ARNT: variants seen among roughly 807,000 people sequenced by gnomAD.
ARNT encodes class E basic helix-loop-helix protein 2.
Under a neutral mutation model 105.0 loss-of-function variants are expected in ARNT, and 30 were observed. The observed-to-expected ratio is 0.29, with a 90% CI of 0.21 to 0.39. The LOEUF (loss-of-function observed/expected upper bound fraction) is 0.39, where lower values mean the gene tolerates loss of function less well. Among genes scored for constraint, ARNT ranks in the 10% least tolerant of loss-of-function variants. ARNT has a pLI of 1.00. For synonymous variants in ARNT, 304 were observed against 344.0 expected, an observed-to-expected ratio of 0.88 and a Z score of 1.29; for missense variants, 748 against 978.7, an observed-to-expected ratio of 0.76 and a Z score of 3.15.
chr1:150,837,978 T>C (rs1225742727), intron 6 of ARNT, among the ~76,000 whole-genome samples: 1 of 152,218 alleles, frequency 6.6e-6, no homozygotes, highest in Admixed American at 6.5e-5. Context: ...TCGATTCTAC[T>C]TTCCAATGCT....
rs1660896814 is a variant in ARNT, at chr1:150,839,500, G to A, written c.427C>T (p.Arg143Trp). 3.1e-6 allele frequency: 5 copies of A among 1,614,068 alleles called. No individual in the cohort carries two copies. The highest frequency in any genetic ancestry group is 1.7e-5 in the Admixed American group (1 of 59,998). Residue 143 changes from arginine to tryptophan, a missense_variant, in exon 6 of 22, where the codon CGG becomes TGG. This residue lies in a region of ARNT where 291 missense variants were observed against 444.6 expected (regional missense o/e 0.65). Transcript: ENST00000358595. The part of the protein sequence containing the change: ...RMAVSHMKSL[R>W]GTGNTSTDGS... ...TCAGTGGATGTGTTGCCAGTTCCCC[G>A]CAAGGACTTCATGTGAGAAACTGCC...
chr1:150,831,925 GAA>G (rs34083816), intron 9 of ARNT, 22 bp from the exon 10 acceptor site: 7,739 of 1,102,544 alleles, frequency 7.0e-3, no homozygotes, highest in East Asian at 9.5e-3. Context: ...ACAGGAGTTT[GAA>G]AAAAAAAAAA....
chr1:150,855,140 GA>G (rs587673655), intron 2 of ARNT, among the ~76,000 whole-genome samples: 1 of 151,496 alleles, frequency 6.6e-6, no homozygotes, highest in African/African-American at 2.4e-5. Context: ...TATGAAATAG[GA>G]AAAAAAAGTT....
chr1:150,846,388 T>G (rs1475946196), intron 3 of ARNT, 81 bp from the exon 4 acceptor site: 2 of 1,395,624 alleles, frequency 1.4e-6, no homozygotes, highest in Non-Finnish European at 2.0e-6. Context: ...TAGAAAGGGG[T>G]GAAAATATTC....
At chr1:150,820,419 T>G (rs754844666) in intron 14 of ARNT, among the ~76,000 whole-genome samples, 23 of 152,192 alleles carry the variant, frequency 1.5e-4, no homozygotes, top group Non-Finnish European at 2.5e-4. Context: ...TCCTAGCACT[T>G]TGGGAGGACG....
At chr1:150,825,845 T>TAA (rs138981555) in intron 13 of ARNT, among the ~76,000 whole-genome samples, 6 of 139,606 alleles carry the variant, frequency 4.3e-5, no homozygotes, top group African/African-American at 7.9e-5. Flanking sequence ...AGACTCCTTC[T>TAA]AAAAAAAAAA....
chr1:150,830,496 A>T (rs1659173902), intron 10 of ARNT: 1 of 152,462 alleles, frequency 6.6e-6, no homozygotes, highest in South Asian at 2.1e-4. Flanking sequence ...ATTTACATAT[A>T]TATTAATTCC....
At chr1:150,813,030 C>T in intron 21 of ARNT, 142 bp downstream of exon 21, 1 of 903,174 alleles carries the variant, frequency 1.1e-6, no homozygotes, top group East Asian at 2.5e-5. Flanking sequence ...GACAGTGATC[C>T]CTACATTTAT....
In ARNT at chr1:150,847,505, G is replaced by T. The variant is rs587700750; in HGVS notation, c.183-1198C>A. Among the ~76,000 whole-genome samples, 6 of 151,382 alleles carry T rather than the reference G, an allele frequency of 4.0e-5. No homozygotes were observed. In the South Asian group the frequency reaches 1.3e-3, roughly 32 times the overall value. On this transcript the variant is annotated intron_variant, in intron 3 of 21. Transcript: ENST00000358595. ...CAGGCACAACAACCCGACTTGGTAA[G>T]ATAAACTACGATAGTCTTTTTTTAT...
rs956602939 is a variant in ARNT at position 150,876,483 on chromosome 1, T to C, written c.25+60A>G. ...GCGTCCCCTCAGCCCTGGGTCTCCT[T>C]AGTTGTCAGCCCCTTCGGCCCCTCC... On this transcript the variant is annotated intron_variant, in intron 1 of 21. Coordinates refer to ENST00000358595, the MANE Select transcript of ARNT (RefSeq NM_001668.4). The C allele has an allele frequency of 2.6e-6, 4 of 1,545,054 alleles. No individual in the cohort carries two copies. The African/African-American group carries it at 4.1e-5, about 16-fold the overall frequency.
At chr1:150,849,143 C>T (rs763077740) in intron 3 of ARNT, among the ~76,000 whole-genome samples, 4 of 151,834 alleles carry the variant, frequency 2.6e-5, no homozygotes, top group East Asian at 3.9e-4. Context: ...GCAGAGGTTG[C>T]GGTGAGCCGA....
At chr1:150,851,184 C>G (rs587750620) in intron 3 of ARNT, among the ~76,000 whole-genome samples, 89 of 148,966 alleles carry the variant, frequency 6.0e-4, no homozygotes, top group African/African-American at 2.0e-3. Flanking sequence ...CCACCCCGTC[C>G]AGGAGAGAGG....
intron 19 of ARNT, 85 bp from the exon 20 acceptor site, chr1:150,814,324 AATCACTGC>A: frequency 7.5e-7 from 1 of 1,330,062 alleles, no homozygotes; most frequent in Non-Finnish European, 1.1e-6. Flanking sequence ...CAACACTGTC[AATCACTGC>A]ATCCTTCTGA....
At chr1:150,853,098 T>C in intron 2 of ARNT, 1 of 369,254 alleles carries the variant, frequency 2.7e-6, no homozygotes, top group South Asian at 2.4e-5. Context: ...CTGGCCAACA[T>C]GCTGAAACCC....
rs1460899422 is a variant in ARNT, at chr1:150,813,300, G to A, written c.2152C>T (p.Arg718Trp). The change falls in exon 21 of 22, where the codon CGG becomes TGG. Residue 718 changes from arginine (R) to tryptophan (W), a missense_variant. Arg to Trp is a moderately radical substitution (Grantham distance 101). Transcript: ENST00000358595. Reference sequence around the variant, plus strand: ...CAGACACCCACACCCTCTGCTGTCCGTGTCTGGAATTGTCCTGCAGTCTGT... The same window carrying A: ...CAGACACCCACACCCTCTGCTGTCCATGTCTGGAATTGTCCTGCAGTCTGT... ...TGQTAGQFQT[R>W]TAEGVGVWPQ... 5.0e-6 allele frequency: 8 copies of A among 1,613,414 alleles called. No individual in the cohort carries two copies. Among genetic ancestry groups the A allele is most frequent in the South Asian group, 2.2e-5 (2 of 90,900 alleles).
chr1:150,839,688 G>A (rs948302000), intron 5 of ARNT, 34 bp from the exon 6 acceptor site: 1 of 1,579,812 alleles, frequency 6.3e-7, no homozygotes, highest in African/African-American at 1.3e-5. Context: ...CCATCCAGGT[G>A]GTCACATCTG....
At chr1:150,829,553 G>GA (rs1364050071) in intron 11 of ARNT, 4 of 582,890 alleles carry the variant, frequency 6.9e-6, no homozygotes, top group Non-Finnish European at 1.3e-5. Context: ...CTATACTTAT[G>GA]AAAAAATCAA....
In ARNT at chr1:150,839,559, G is replaced by A. The variant is rs1660906854; in HGVS notation, c.368C>T (p.Ala123Val). The part of the protein sequence containing the change: ...SDMVPTCSAL[A>V]RKPDKLTILR... ...GATGGTTAGCTTGTCTGGTTTTCGA[G>A]CCAGGGCACTACAGGTGGGTACCAT... The change falls in exon 6 of 22, where the codon GCT becomes GTT. Residue 123 changes from alanine (A) to valine (V), a missense_variant. This residue lies in a region of ARNT where 291 missense variants were observed against 444.6 expected (regional missense o/e 0.65). Coordinates refer to ENST00000358595, the MANE Select transcript of ARNT (RefSeq NM_001668.4). 1 of 1,614,204 alleles carries A rather than the reference G, an allele frequency of 6.2e-7. No individual in the cohort carries two copies. Among genetic ancestry groups the A allele is most frequent in the Non-Finnish European group, 8.5e-7 (1 of 1,180,034 alleles).
rs10305751 is a variant in ARNT at position 150,810,982 on chromosome 1, C to T, written c.*1039G>A. On this transcript the variant is annotated 3_prime_UTR_variant, in exon 22 of 22. Coordinates refer to ENST00000358595, the MANE Select transcript of ARNT (RefSeq NM_001668.4). ...CCAACAATGAGGATTTTCACTGGGA[C>T]GGCTAATCCAAGAAGTTGAGTTTCC... is the stretch of plus-strand genomic sequence containing the variant. 8,439 of 229,814 alleles carry T rather than the reference C, an allele frequency of 0.037. 407 individuals are homozygous for T. The highest frequency in any genetic ancestry group is 0.13 in the African/African-American group (6,017 of 45,206). The allele number at this position is 229,814 out of a possible 1,614,324, so 14.2% of individuals were successfully genotyped here. A position where few individuals can be genotyped will look rare whatever the true frequency, so the allele number is the denominator to read the frequency against.
Sources: allele counts gnomAD v4.1 joint callset (sites outside exome capture counted in the v4.1 genomes callset), GRCh38; gene constraint gnomAD v4.1.1; regional missense constraint gnomAD v4.1.1; transcripts MANE v1.5; gene names NCBI Gene and HGNC (gene_info 2026-07-23, HGNC 2026-07-21).